Variants in SBF2 observed in about 807,000 individuals in gnomAD.
The protein encoded by SBF2 is myotubularin-related protein 13.
A neutral mutation model predicts 225.2 loss-of-function variants in SBF2; 112 were observed. The observed-to-expected ratio is 0.50, with a 90% CI of 0.43 to 0.58. The LOEUF is 0.58. Ranked by LOEUF, SBF2 falls within the 20% of genes least tolerant of loss-of-function variation. The pLI is 0.00. For missense variants in SBF2, 1,996 were observed against 2,206.2 expected, an observed-to-expected ratio of 0.90 and a Z score of 1.91; for synonymous variants, 763 against 773.3, an observed-to-expected ratio of 0.99 and a Z score of 0.22.
At chr11:9,994,385 G>A (rs1034039584) in intron 9 of SBF2, among the ~76,000 whole-genome samples, 10 of 151,270 alleles carry the variant, frequency 6.6e-5, no homozygotes, top group Non-Finnish European at 1.5e-4. Context: ...TGAGGCAGGA[G>A]AATGGCGTGA....
At chr11:10,119,874 T>C (rs968599721) in intron 2 of SBF2, among the ~76,000 whole-genome samples, 11 of 152,212 alleles carry the variant, frequency 7.2e-5, no homozygotes, top group Non-Finnish European at 4.4e-5. Flanking sequence ...CAAGACTCCA[T>C]CTCAAATTGT....
intron 1 of SBF2, among the ~76,000 whole-genome samples, chr11:10,266,433 C>T (rs1961998276): frequency 6.6e-6 from 1 of 152,132 alleles, no homozygotes; most frequent in South Asian, 2.1e-4. Context: ...AGGACCCAGG[C>T]TAGATACGGG....
intron 2 of SBF2, among the ~76,000 whole-genome samples, chr11:10,047,335 G>A (rs1949901846): frequency 6.6e-6 from 1 of 152,124 alleles, no homozygotes; most frequent in Admixed American, 6.5e-5. Context: ...GAGAAAAACA[G>A]CTGGAGGACT....
chr11:9,898,515 A>G (rs115393385), intron 16 of SBF2, among the ~76,000 whole-genome samples: 2,255 of 152,156 alleles, frequency 0.015, 64 homozygotes, highest in African/African-American at 0.051. Context: ...TACAAAAAAT[A>G]CAAAAACTAG....
At chr11:10,130,310 C>T (rs1302525567) in intron 2 of SBF2, among the ~76,000 whole-genome samples, 1 of 151,334 alleles carries the variant, frequency 6.6e-6, no homozygotes, top group Non-Finnish European at 1.5e-5. Flanking sequence ...TGCAGTGAGC[C>T]GAGATCGCAC....
At chr11:10,184,883 C>T (rs1032911509) in intron 2 of SBF2, among the ~76,000 whole-genome samples, 1 of 152,104 alleles carries the variant, frequency 6.6e-6, no homozygotes, top group Non-Finnish European at 1.5e-5. Context: ...CCCACCACCA[C>T]GCCCGGCTAA....
intron 2 of SBF2, among the ~76,000 whole-genome samples, chr11:10,176,334 T>A (rs1329421856): frequency 1.3e-5 from 2 of 151,034 alleles, no homozygotes; most frequent in African/African-American, 4.9e-5. Flanking sequence ...AAGAAATAAC[T>A]AAGATCAGAG....
At chr11:10,082,251 CA>C (rs1264622029) in intron 2 of SBF2, among the ~76,000 whole-genome samples, 2 of 152,046 alleles carry the variant, frequency 1.3e-5, no homozygotes, top group Non-Finnish European at 2.9e-5. Context: ...CACCCATCAA[CA>C]AAAAAGTCCA....
intron 1 of SBF2, among the ~76,000 whole-genome samples, chr11:10,278,185 CA>C (rs952105022): frequency 3.9e-5 from 6 of 152,056 alleles, no homozygotes; most frequent in African/African-American, 1.4e-4. Context: ...TTTCCCTAGG[CA>C]AAATTAGTTT....
intron 1 of SBF2, among the ~76,000 whole-genome samples, chr11:10,234,655 C>T (rs1410479278): frequency 6.6e-6 from 1 of 152,202 alleles, no homozygotes; most frequent in Non-Finnish European, 1.5e-5. Context: ...TACATCTACC[C>T]TATCAAATGG....
At chr11:9,860,095 A>T (rs1288982419) in intron 17 of SBF2, among the ~76,000 whole-genome samples, 1 of 152,140 alleles carries the variant, frequency 6.6e-6, no homozygotes, top group Non-Finnish European at 1.5e-5. Context: ...TGGTTTTGTG[A>T]GTGCGTAAGC....
chr11:9,840,959 C>G (rs1856091526), intron 25 of SBF2, among the ~76,000 whole-genome samples: 1 of 148,206 alleles, frequency 6.7e-6, no homozygotes, highest in African/African-American at 2.5e-5. Flanking sequence ...CATGTTCTAA[C>G]TGGGGAAAAA....
At chr11:10,019,555 AT>A (rs1033574072) in intron 6 of SBF2, among the ~76,000 whole-genome samples, 11 of 151,740 alleles carry the variant, frequency 7.2e-5, no homozygotes, top group Non-Finnish European at 1.5e-4. Flanking sequence ...TTTTCTTTAA[AT>A]TTTTTTTTAA....
At chr11:10,074,144 G>A (rs138348562) in intron 2 of SBF2, among the ~76,000 whole-genome samples, 64 of 152,228 alleles carry the variant, frequency 4.2e-4, no homozygotes, top group African/African-American at 1.2e-3. Flanking sequence ...ATAATAGAGC[G>A]GGAAAGAAAG....
intron 16 of SBF2, among the ~76,000 whole-genome samples, chr11:9,908,313 T>C (rs1387254869): frequency 6.6e-6 from 1 of 152,174 alleles, no homozygotes; most frequent in African/African-American, 2.4e-5. Context: ...ACAGGAGTAC[T>C]GGAAATTGTG....
At chr11:10,078,935 C>T (rs1335833501) in intron 2 of SBF2, among the ~76,000 whole-genome samples, 1 of 152,078 alleles carries the variant, frequency 6.6e-6, no homozygotes, top group African/African-American at 2.4e-5. Context: ...AAGAAATCCA[C>T]CAAACTGAGG....
chr11:10,147,016 A>G (rs1954919185), intron 2 of SBF2, among the ~76,000 whole-genome samples: 1 of 151,772 alleles, frequency 6.6e-6, no homozygotes, highest in Admixed American at 6.6e-5. Context: ...ATGAGATACC[A>G]TCTCACACCA....
At chr11:9,837,331 G>A (rs1176620429) in intron 26 of SBF2, among the ~76,000 whole-genome samples, 1 of 152,164 alleles carries the variant, frequency 6.6e-6, no homozygotes, top group Non-Finnish European at 1.5e-5. Context: ...TTTGCTGAGA[G>A]CTTTTTTCTA....
intron 2 of SBF2, among the ~76,000 whole-genome samples, chr11:10,114,345 T>G (rs745402319): frequency 6.6e-6 from 1 of 152,234 alleles, no homozygotes; most frequent in Non-Finnish European, 1.5e-5. Context: ...GGAAAATATA[T>G]GCTTTATCTT....
Sources: allele counts gnomAD v4.1 joint callset (sites outside exome capture counted in the v4.1 genomes callset), GRCh38; gene constraint gnomAD v4.1.1; transcripts MANE v1.5; gene names NCBI Gene and HGNC (gene_info 2026-07-23, HGNC 2026-07-21).